The following TTLL7 variants were observed in gnomAD, a reference collection of about 807,000 sequenced individuals.
The protein encoded by TTLL7 is tubulin tyrosine ligase like 7, also known as tubulin polyglutamylase TTLL7.
Under a neutral mutation model 120.2 loss-of-function variants are expected in TTLL7, and 53 were observed. The observed-to-expected ratio is 0.44, with a 90% CI of 0.35 to 0.55. TTLL7 has a LOEUF of 0.55. TTLL7 is among the 20% of genes least tolerant of loss of function. The pLI, the probability that TTLL7 is intolerant of heterozygous loss-of-function variation, is 0.00. For missense variants in TTLL7, 803 were observed against 1,054.7 expected, an observed-to-expected ratio of 0.76 and a Z score of 3.31; for synonymous variants, 353 against 351.7, an observed-to-expected ratio of 1.00 and a Z score of -0.04.
chr1:83,880,417 C>G (rs997374635), intron 20 of TTLL7: 6 of 151,888 alleles, frequency 4.0e-5, no homozygotes, highest in Admixed American at 3.9e-4. Flanking sequence ...TTAATACTTT[C>G]TATTAAAAAT....
At position 83,947,222 on chromosome 1, in the gene TTLL7, A is replaced by G. The variant is rs1399418571; in HGVS notation, c.408T>C (p.Ala136=). 6.2e-7 allele frequency: 1 copy of G among 1,612,788 alleles called. No homozygotes were observed. The highest frequency in any genetic ancestry group is 8.5e-7 in the Non-Finnish European group (1 of 1,179,574). ...TFVPRTWIFP[A]EYTQFQNYVK... The stretch of plus-strand genomic sequence containing the variant: ...CATAATTTTGGAATTGAGTATATTC[A>G]GCAGGAAAGATCCAAGTTCGAGGAA... The change falls in exon 6 of 21, where the codon GCT becomes GCC. Residue 136 remains alanine (A), a synonymous_variant. Coordinates refer to ENST00000260505, the MANE Select transcript of TTLL7 (RefSeq NM_024686.6).
chr1:83,901,291 T>C (rs546063408), intron 18 of TTLL7, among the ~76,000 whole-genome samples: 3 of 151,974 alleles, frequency 2.0e-5, no homozygotes, highest in Non-Finnish European at 4.4e-5. Context: ...AAATTTTTAA[T>C]ATTTTCTTTT....
intron 10 of TTLL7, among the ~76,000 whole-genome samples, chr1:83,925,541 G>C (rs1659039478): frequency 6.6e-6 from 1 of 152,178 alleles, no homozygotes; most frequent in African/African-American, 2.4e-5. Flanking sequence ...AGAAAGATAA[G>C]AAGTTTTCAG....
At chr1:83,906,301 T>C (rs2100761520) in intron 17 of TTLL7, 28 bp downstream of exon 17, 1 of 1,581,598 alleles carries the variant, frequency 6.3e-7, no homozygotes, top group East Asian at 2.2e-5. Context: ...ACCAGCTCCT[T>C]GGCATTTTAG....
intron 1 of TTLL7, among the ~76,000 whole-genome samples, chr1:83,972,155 T>G (rs1245621520): frequency 6.6e-6 from 1 of 152,098 alleles, no homozygotes; most frequent in African/African-American, 2.4e-5. Context: ...ACATTGGGGT[T>G]CACTCAGTGT....
intron 20 of TTLL7, 82 bp downstream of exon 20, chr1:83,882,880 CA>C: frequency 3.3e-6 from 5 of 1,501,382 alleles, no homozygotes; most frequent in Non-Finnish European, 4.5e-6. Flanking sequence ...GTCACATAAA[CA>C]AAAAAACACT....
At chr1:83,946,723 T>C (rs942699628) in intron 6 of TTLL7, among the ~76,000 whole-genome samples, 4 of 152,230 alleles carry the variant, frequency 2.6e-5, no homozygotes, top group Admixed American at 2.0e-4. Context: ...TCAAGATTTC[T>C]AGCTATGAAA....
chr1:83,997,105 C>T (rs1653552327), intron 1 of TTLL7, among the ~76,000 whole-genome samples: 1 of 152,176 alleles, frequency 6.6e-6, no homozygotes, highest in African/African-American at 2.4e-5. Flanking sequence ...TTTGTGCCTC[C>T]ATTTTATGTC....
chr1:83,921,603 A>G (rs1320896090), intron 10 of TTLL7, among the ~76,000 whole-genome samples: 1 of 152,184 alleles, frequency 6.6e-6, no homozygotes, highest in Admixed American at 6.6e-5. Flanking sequence ...CTGAAGATAC[A>G]GAGACAAAAT....
intron 18 of TTLL7, among the ~76,000 whole-genome samples, chr1:83,890,870 A>G (rs1655405880): frequency 6.6e-6 from 1 of 152,206 alleles, no homozygotes; most frequent in Non-Finnish European, 1.5e-5. Context: ...CCAGTGGAAT[A>G]AGAAGAGACT....
Position 83,869,142 on chromosome 1 carries a change from A to G in TTLL7, c.*820T>C, listed in dbSNP as rs1253552697. 1 of 151,812 alleles carries G rather than the reference A, an allele frequency of 6.6e-6. No homozygotes were observed. The highest frequency in any genetic ancestry group is 2.4e-5 in the African/African-American group (1 of 41,322). 9.4% of individuals were successfully genotyped at this position (151,812 alleles called of 1,614,324 possible). A position where few individuals can be genotyped will look rare whatever the true frequency, so the allele number is the denominator to read the frequency against. Reference sequence around the variant, plus strand: ...AAGCACTTACCATCACGCCCAGCTAATTTTTGTATTTTTAGTAGAGATGGG... The same window carrying G: ...AAGCACTTACCATCACGCCCAGCTAGTTTTTGTATTTTTAGTAGAGATGGG... On this transcript the variant is annotated 3_prime_UTR_variant, in exon 21 of 21. Coordinates refer to ENST00000260505, the MANE Select transcript of TTLL7 (RefSeq NM_024686.6).
At chr1:83,929,773 C>T (rs1659438428) in intron 9 of TTLL7, among the ~76,000 whole-genome samples, 1 of 152,018 alleles carries the variant, frequency 6.6e-6, no homozygotes, top group Non-Finnish European at 1.5e-5. Flanking sequence ...AGTCTTGTTA[C>T]TATTGTCATT....
intron 4 of TTLL7, 144 bp from the exon 5 acceptor site, chr1:83,948,839 C>A (rs1182474410): frequency 3.6e-6 from 2 of 552,352 alleles, no homozygotes; most frequent in East Asian, 3.1e-5. Context: ...GTTAAATGAC[C>A]TACAGTGAAT....
chr1:83,941,982 T>C (rs1173537106), intron 7 of TTLL7, among the ~76,000 whole-genome samples: 3 of 152,146 alleles, frequency 2.0e-5, no homozygotes, highest in Non-Finnish European at 4.4e-5. Context: ...CTGATAACTT[T>C]TGCTTTTTCC....
chr1:83,903,945 A>G (rs1656957795), intron 18 of TTLL7, 134 bp downstream of exon 18: 2 of 708,944 alleles, frequency 2.8e-6, no homozygotes, highest in Non-Finnish European at 4.9e-6. Flanking sequence ...CACATAATAG[A>G]TACTTAATAA....
chr1:83,894,639 G>C (rs1304187627), intron 18 of TTLL7, among the ~76,000 whole-genome samples: 2 of 152,068 alleles, frequency 1.3e-5, no homozygotes, highest in African/African-American at 2.4e-5. Flanking sequence ...GAGCCGGGGA[G>C]TTAGGGATGG....
chr1:83,943,221 G>C (rs372762814), intron 6 of TTLL7, among the ~76,000 whole-genome samples: 32 of 152,150 alleles, frequency 2.1e-4, no homozygotes, highest in African/African-American at 7.2e-4. Context: ...GGCAACAGTT[G>C]GGCAGACAAT....
chr1:83,869,844 T>C lies in TTLL7; in HGVS notation c.*118A>G. 1.9e-6 allele frequency: 2 copies of C among 1,066,626 alleles called. No individual in the cohort carries two copies. The highest frequency in any genetic ancestry group is 2.7e-6 in the Non-Finnish European group (2 of 752,874). 66.1% of individuals were successfully genotyped at this position (1,066,626 alleles called of 1,614,324 possible). ...GCATATGTGCATATATTTTCACACATATATATGTCTTATATACATAAAACA... is the reference window on the plus strand; with the variant it reads ...GCATATGTGCATATATTTTCACACACATATATGTCTTATATACATAAAACA... On this transcript the variant is annotated 3_prime_UTR_variant, in exon 21 of 21. Coordinates refer to ENST00000260505, the MANE Select transcript of TTLL7 (RefSeq NM_024686.6).
chr1:83,868,480 A>G lies in TTLL7; in HGVS notation c.*1482T>C, dbSNP rs1653065693. 1 of 152,220 alleles carries G rather than the reference A, an allele frequency of 6.6e-6. No homozygotes were observed. The highest frequency in any genetic ancestry group is 2.4e-5 in the African/African-American group (1 of 41,460). 9.4% of individuals were successfully genotyped at this position (152,220 alleles called of 1,614,324 possible). Reference sequence around the variant, plus strand: ...AACTTATGCATAACAACTTTGGACAAGAACACTTCGTTCTCTGTTTTGATT... The same window carrying G: ...AACTTATGCATAACAACTTTGGACAGGAACACTTCGTTCTCTGTTTTGATT... On this transcript the variant is annotated 3_prime_UTR_variant, in exon 21 of 21. Transcript: ENST00000260505.
Sources: allele counts gnomAD v4.1 joint callset (sites outside exome capture counted in the v4.1 genomes callset), GRCh38; gene constraint gnomAD v4.1.1; transcripts MANE v1.5; gene names NCBI Gene and HGNC (gene_info 2026-07-23, HGNC 2026-07-21).